MCTP1: variants seen among roughly 807,000 people sequenced by gnomAD.
MCTP1 encodes the protein multiple C2 and transmembrane domain-containing protein 1.
Under a neutral mutation model 120.6 loss-of-function variants are expected in MCTP1, and 69 were observed. That is an observed-to-expected ratio of 0.57 (90% CI 0.47 to 0.70). The LOEUF (loss-of-function observed/expected upper bound fraction) is 0.70. Among genes scored for constraint, MCTP1 ranks in the 30% least tolerant of loss-of-function variants. The probability of loss-of-function intolerance (pLI) is 0.00; values close to 1 mark genes in which losing one functional copy is unlikely to be tolerated. For synonymous variants in MCTP1, 529 were observed against 493.1 expected (o/e 1.07, Z -0.96); for missense variants, 1,203 against 1,248.8 (o/e 0.96, Z 0.55).
At chr5:95,220,841 A>G (rs1162206844) in intron 1 of MCTP1, among the ~76,000 whole-genome samples, 1 of 152,232 alleles carries the variant, frequency 6.6e-6, no homozygotes, top group Non-Finnish European at 1.5e-5. Flanking sequence ...GCTTCCTGTA[A>G]AGTGACATGT....
chr5:94,976,268 T>C (rs1444083162), intron 2 of MCTP1, among the ~76,000 whole-genome samples: 2 of 152,082 alleles, frequency 1.3e-5, no homozygotes, highest in Admixed American at 6.6e-5. Context: ...TTAGCCAACA[T>C]GGCAAAACCC....
At chr5:94,823,560 G>GT (rs1158814411) in intron 17 of MCTP1, among the ~76,000 whole-genome samples, 1 of 152,166 alleles carries the variant, frequency 6.6e-6, no homozygotes, top group Non-Finnish European at 1.5e-5. Flanking sequence ...ATTTAAAGTA[G>GT]TTTTTTCTAA....
chr5:94,909,651 T>C (rs1044281608), intron 9 of MCTP1, among the ~76,000 whole-genome samples: 7 of 152,086 alleles, frequency 4.6e-5, no homozygotes, highest in Non-Finnish European at 5.9e-5. Flanking sequence ...ATATAAATTA[T>C]ATAGAAGAGG....
At chr5:94,977,931 A>T (rs563113153) in intron 2 of MCTP1, among the ~76,000 whole-genome samples, 1 of 152,274 alleles carries the variant, frequency 6.6e-6, no homozygotes, top group East Asian at 1.9e-4. Context: ...CAAAAGTAAA[A>T]CCAGGCAAAT....
chr5:94,769,302 A>G (rs1217970210), intron 19 of MCTP1, among the ~76,000 whole-genome samples: 2 of 152,210 alleles, frequency 1.3e-5, no homozygotes, highest in African/African-American at 2.4e-5. Context: ...ACTAAGTCCT[A>G]GTGTTCAATA....
At chr5:95,141,351 G>C (rs1759915819) in intron 1 of MCTP1, among the ~76,000 whole-genome samples, 1 of 152,198 alleles carries the variant, frequency 6.6e-6, no homozygotes, top group African/African-American at 2.4e-5. Context: ...ACCACAGTTT[G>C]TTTTAAAAAC....
At chr5:94,738,862 T>C (rs1764872823) in intron 19 of MCTP1, among the ~76,000 whole-genome samples, 1 of 152,208 alleles carries the variant, frequency 6.6e-6, no homozygotes, top group African/African-American at 2.4e-5. Flanking sequence ...AATACTTCGG[T>C]TGTGTCCACC....
chr5:95,008,564 C>G (rs1835231965), intron 2 of MCTP1, among the ~76,000 whole-genome samples: 1 of 152,050 alleles, frequency 6.6e-6, no homozygotes, highest in South Asian at 2.1e-4. Context: ...GGAATTGTTT[C>G]CTGTAGTGTG....
chr5:94,741,384 G>A (rs1765499716), intron 19 of MCTP1, among the ~76,000 whole-genome samples: 1 of 152,150 alleles, frequency 6.6e-6, no homozygotes. Context: ...ACTAAACAAT[G>A]AGAGAAAACA....
chr5:95,215,250 T>C (rs1158777394), intron 1 of MCTP1, among the ~76,000 whole-genome samples: 2 of 152,192 alleles, frequency 1.3e-5, no homozygotes, highest in African/African-American at 2.4e-5. Context: ...CCCTGATCAA[T>C]TCAATTAACT....
chr5:94,978,773 C>A (rs2153590634), intron 2 of MCTP1, among the ~76,000 whole-genome samples: 1 of 152,194 alleles, frequency 6.6e-6, no homozygotes, highest in East Asian at 1.9e-4. Flanking sequence ...TTTTTGAGAT[C>A]TGCTGTACAA....
chr5:95,029,899 C>T (rs1839969929), intron 1 of MCTP1, among the ~76,000 whole-genome samples: 1 of 152,190 alleles, frequency 6.6e-6, no homozygotes. Flanking sequence ...AAATCCCCCA[C>T]AAATATACAC....
At chr5:94,829,371 G>C (rs376052143) in intron 17 of MCTP1, among the ~76,000 whole-genome samples, 2 of 152,174 alleles carry the variant, frequency 1.3e-5, no homozygotes, top group Non-Finnish European at 2.9e-5. Flanking sequence ...TGCCTTCTGC[G>C]TTGGTCTCGC....
chr5:95,061,596 C>T (rs1004611852), intron 1 of MCTP1, among the ~76,000 whole-genome samples: 1 of 150,772 alleles, frequency 6.6e-6, no homozygotes, highest in Non-Finnish European at 1.5e-5. Context: ...CCACTACGCC[C>T]GGCTAATTTT....
At chr5:95,244,908 C>T (rs527259321) in intron 1 of MCTP1, among the ~76,000 whole-genome samples, 2 of 152,254 alleles carry the variant, frequency 1.3e-5, no homozygotes, top group South Asian at 2.1e-4. Flanking sequence ...GACTGGGAAA[C>T]CCCTCCCAGT....
chr5:94,715,824 A>G (rs753065833), intron 19 of MCTP1, among the ~76,000 whole-genome samples: 4 of 152,224 alleles, frequency 2.6e-5, no homozygotes, highest in Non-Finnish European at 4.4e-5. Context: ...GCCAGCTTGA[A>G]TATCTATGGA....
At chr5:95,003,952 A>T (rs1464333876) in intron 2 of MCTP1, among the ~76,000 whole-genome samples, 1 of 152,164 alleles carries the variant, frequency 6.6e-6, no homozygotes, top group Admixed American at 6.5e-5. Flanking sequence ...AGAAGACAGG[A>T]ACATGAGGAA....
intron 1 of MCTP1, among the ~76,000 whole-genome samples, chr5:95,054,162 C>T (rs1030159315): frequency 4.6e-5 from 7 of 151,770 alleles, no homozygotes; most frequent in Admixed American, 2.0e-4. Context: ...CCAAGGAATA[C>T]AACACAATAG....
chr5:95,229,715 TG>T (rs1754698526), intron 1 of MCTP1, among the ~76,000 whole-genome samples: 2 of 150,828 alleles, frequency 1.3e-5, no homozygotes, highest in Admixed American at 1.3e-4. Context: ...CACTCCAGCC[TG>T]GGTGACAGAA....
Sources: allele counts gnomAD v4.1 joint callset (sites outside exome capture counted in the v4.1 genomes callset), GRCh38; gene constraint gnomAD v4.1.1; transcripts MANE v1.5; gene names NCBI Gene and HGNC (gene_info 2026-07-23, HGNC 2026-07-21).